TMEFF2: variants seen among roughly 807,000 people sequenced by gnomAD.
TMEFF2 encodes the protein transmembrane protein with EGF like and two follistatin like domains 2, also known as tomoregulin-2.
TMEFF2 carries 28 observed loss-of-function variants against 53.8 expected under a neutral mutation model. That is an observed-to-expected ratio of 0.52 (90% CI 0.39 to 0.71). The LOEUF is 0.71. Among genes scored for constraint, TMEFF2 ranks in the 30% least tolerant of loss-of-function variants. The pLI is 0.00. For missense variants in TMEFF2, 353 were observed against 455.2 expected (o/e 0.78, Z 2.04); for synonymous variants, 162 against 166.3 (o/e 0.97, Z 0.20).
intron 4 of TMEFF2, among the ~76,000 whole-genome samples, chr2:192,129,899 C>G (rs1270922965): frequency 6.6e-6 from 1 of 152,130 alleles, no homozygotes; most frequent in Non-Finnish European, 1.5e-5. Flanking sequence ...TTTCTAAAAA[C>G]AAATTAACAA....
At chr2:192,032,856 GAAC>G (rs1687176139) in intron 5 of TMEFF2, among the ~76,000 whole-genome samples, 1 of 152,118 alleles carries the variant, frequency 6.6e-6, no homozygotes, top group Non-Finnish European at 1.5e-5. Flanking sequence ...TCGTCTTTGT[GAAC>G]AATTGCTGTT....
At chr2:191,984,759 T>C (rs1005475493) in intron 7 of TMEFF2, among the ~76,000 whole-genome samples, 1 of 152,118 alleles carries the variant, frequency 6.6e-6, no homozygotes, top group Non-Finnish European at 1.5e-5. Context: ...TGTAATAATA[T>C]GAACAGTTGC....
chr2:191,958,036 T>C (rs1420903555), intron 7 of TMEFF2, among the ~76,000 whole-genome samples: 5 of 152,176 alleles, frequency 3.3e-5, no homozygotes, highest in Non-Finnish European at 5.9e-5. Context: ...TTAAAGTGGG[T>C]AGTGTTGGGT....
intron 4 of TMEFF2, among the ~76,000 whole-genome samples, chr2:192,092,094 AAAT>A (rs1403190101): frequency 1.3e-5 from 2 of 152,158 alleles, no homozygotes; most frequent in Non-Finnish European, 2.9e-5. Flanking sequence ...TCAGTAACAA[AAAT>A]AATATTTCCA....
chr2:192,057,600 T>G, intron 5 of TMEFF2, 79 bp downstream of exon 5: 1 of 1,203,788 alleles, frequency 8.3e-7, no homozygotes, highest in Non-Finnish European at 1.2e-6. Context: ...ATGTCTTCTG[T>G]TGCAGAATGG....
chr2:191,963,425 C>A (rs1692327511), intron 7 of TMEFF2, among the ~76,000 whole-genome samples: 1 of 152,136 alleles, frequency 6.6e-6, no homozygotes, highest in Non-Finnish European at 1.5e-5. Flanking sequence ...CGGGTCAGGT[C>A]CCATCTACTC....
chr2:192,018,461 A>C (rs545172738), intron 5 of TMEFF2, among the ~76,000 whole-genome samples: 1 of 152,198 alleles, frequency 6.6e-6, no homozygotes, highest in African/African-American at 2.4e-5. Flanking sequence ...TCACTTATTC[A>C]TACGCTTTAA....
chr2:192,137,518 A>T (rs1380850035), intron 4 of TMEFF2, among the ~76,000 whole-genome samples: 1 of 152,096 alleles, frequency 6.6e-6, no homozygotes, highest in Non-Finnish European at 1.5e-5. Context: ...AAATGCCATC[A>T]TTAGGGCTGT....
intron 4 of TMEFF2, among the ~76,000 whole-genome samples, chr2:192,165,381 G>T (rs1690738816): frequency 6.6e-6 from 1 of 152,076 alleles, no homozygotes; most frequent in African/African-American, 2.4e-5. Flanking sequence ...CTTTCTTGAA[G>T]AGTTACAGCA....
chr2:191,966,213 G>GT (rs1222369789), intron 7 of TMEFF2, among the ~76,000 whole-genome samples: 1 of 152,200 alleles, frequency 6.6e-6, no homozygotes, highest in Non-Finnish European at 1.5e-5. Context: ...AAAGGGGACT[G>GT]TAAGTACTGC....
intron 4 of TMEFF2, among the ~76,000 whole-genome samples, chr2:192,166,515 G>C (rs921040082): frequency 1.3e-5 from 2 of 152,108 alleles, no homozygotes; most frequent in Non-Finnish European, 2.9e-5. Flanking sequence ...ATTTGTAAAA[G>C]ATATTGAGAA....
chr2:192,061,313 C>A (rs1688037993), intron 4 of TMEFF2, among the ~76,000 whole-genome samples: 1 of 151,946 alleles, frequency 6.6e-6, no homozygotes, highest in Admixed American at 6.6e-5. Flanking sequence ...TCTGCTGGTT[C>A]CCCATTCACA....
chr2:192,162,980 A>G (rs1454341340), intron 4 of TMEFF2, among the ~76,000 whole-genome samples: 1 of 152,188 alleles, frequency 6.6e-6, no homozygotes, highest in Non-Finnish European at 1.5e-5. Context: ...TTATATATTG[A>G]TAATAAGATT....
intron 4 of TMEFF2, among the ~76,000 whole-genome samples, chr2:192,078,957 C>A (rs1410659701): frequency 1.3e-5 from 2 of 152,092 alleles, no homozygotes; most frequent in African/African-American, 4.8e-5. Context: ...GCTGGTGTAC[C>A]CTGAACCCAT....
At chr2:192,038,587 G>C (rs1687392597) in intron 5 of TMEFF2, among the ~76,000 whole-genome samples, 1 of 151,810 alleles carries the variant, frequency 6.6e-6, no homozygotes, top group Non-Finnish European at 1.5e-5. Context: ...GCCTTCCCCA[G>C]CTCAAGTGAT....
chr2:191,963,611 T>C lies in TMEFF2; in HGVS notation c.746-7233A>G, dbSNP rs1018497414. On this transcript the variant is annotated intron_variant, in intron 7 of 9. Transcript: ENST00000272771. ...GGCTAGAGCATTTACTGGAATATAG[T>C]GAAAGCAAAGGTCTGAATAACACAG... 3.9e-5 allele frequency among the ~76,000 whole-genome samples: 6 copies of C among 152,206 alleles called. No homozygotes were observed. The South Asian group carries it at 8.3e-4, about 21-fold the overall frequency.
chr2:192,092,332 A>G (rs1007473725), intron 4 of TMEFF2, among the ~76,000 whole-genome samples: 2 of 152,152 alleles, frequency 1.3e-5, no homozygotes, highest in Non-Finnish European at 2.9e-5. Context: ...GGCTTCCTTT[A>G]TATTACCATA....
chr2:192,148,426 G>T (rs987132540), intron 4 of TMEFF2, among the ~76,000 whole-genome samples: 4 of 151,924 alleles, frequency 2.6e-5, no homozygotes, highest in Non-Finnish European at 5.9e-5. Context: ...TGTTCCCCTA[G>T]GTTTGCATTC....
intron 4 of TMEFF2, among the ~76,000 whole-genome samples, chr2:192,148,088 AATGCTTACATTTAGGTTGCACAG>A (rs1690298436): frequency 6.6e-6 from 1 of 151,994 alleles, no homozygotes; most frequent in Admixed American, 6.6e-5. Flanking sequence ...CACTGCAGCT[AATGCTTACATTTAGGTTGCACAG>A]AGTATCAATT....
Sources: allele counts gnomAD v4.1 joint callset (sites outside exome capture counted in the v4.1 genomes callset), GRCh38; gene constraint gnomAD v4.1.1; transcripts MANE v1.5; gene names NCBI Gene and HGNC (gene_info 2026-07-23, HGNC 2026-07-21).